DHX58: variants seen among roughly 807,000 people sequenced by gnomAD.
DHX58 encodes the protein ATP-dependent RNA helicase DHX58.
A neutral mutation model predicts 65.0 loss-of-function variants in DHX58; 51 were observed. The ratio of observed to expected loss-of-function variants is 0.78; its 90% CI spans 0.63 to 0.99. DHX58 has a LOEUF of 0.99. Among genes scored for constraint, DHX58 ranks in the 50% least tolerant of loss-of-function variants. The pLI is 0.00. For missense variants in DHX58, 773 were observed against 891.8 expected (o/e 0.87, Z 1.70); for synonymous variants, 350 against 365.0 (o/e 0.96, Z 0.47).
At position 42,103,739 on chromosome 17, in the gene DHX58, C is replaced by T; in HGVS notation, c.1623G>A (p.Glu541=). The T allele has an allele frequency of 6.2e-7, 1 of 1,613,100 alleles. No homozygotes were observed. Among genetic ancestry groups the T allele is most frequent in the Non-Finnish European group, 8.5e-7 (1 of 1,180,022 alleles). Residue 541 remains glutamate, a synonymous_variant, in exon 12 of 14, where the codon GAG becomes GAA. Coordinates refer to ENST00000251642, the MANE Select transcript of DHX58 (RefSeq NM_024119.3). Reference sequence around the variant, plus strand: ...CCACTGGGAACTGCTGCCGCTGGTTCTCCCGCTGGGCTGCCTGGGCCGCCC... The same window carrying T: ...CCACTGGGAACTGCTGCCGCTGGTTTTCCCGCTGGGCTGCCTGGGCCGCCC... The part of the protein sequence containing the change: ...TKRAAQAAQR[E]NQRQQFPVEH...
At chr17:42,105,438 A>G (rs2054041131) in intron 9 of DHX58, among the ~76,000 whole-genome samples, 1 of 151,966 alleles carries the variant, frequency 6.6e-6, no homozygotes, top group Non-Finnish European at 1.5e-5. Context: ...GTCTTCTGCA[A>G]GGGACCCCAG....
At chr17:42,106,879 A>T (rs180880004) in intron 8 of DHX58, among the ~76,000 whole-genome samples, 1 of 152,160 alleles carries the variant, frequency 6.6e-6, no homozygotes, top group African/African-American at 2.4e-5. Flanking sequence ...GGGGTCATAC[A>T]GTACAGAACC....
chr17:42,105,679 G>A (rs576153310), intron 9 of DHX58, 57 bp downstream of exon 9: 46 of 1,507,890 alleles, frequency 3.1e-5, no homozygotes, highest in South Asian at 2.7e-4. Flanking sequence ...CCTGTTCCCC[G>A]CACTTCTCTC....
Position 42,104,790 on chromosome 17 carries a change from CA to C in DHX58, c.1538del (p.Met513ArgfsTer18). The C allele has an allele frequency of 6.2e-7, 1 of 1,614,036 alleles. No homozygotes were observed. The highest frequency in any genetic ancestry group is 1.3e-5 in the African/African-American group (1 of 75,058). Reference protein sequence around the residue: ...MEQAVAAVQKMDQAEYQAKIR... With the variant: ...MEQAVAAVQKXDQAEYQAKIR... Reference sequence around the variant, plus strand: ...CCTTGGCCTGGTACTCGGCCTGGTCCATTTTCTGCACAGCAGCCACTGCCTG... The same window carrying C: ...CCTTGGCCTGGTACTCGGCCTGGTCCTTTTCTGCACAGCAGCCACTGCCTG... On this transcript the variant is annotated frameshift_variant, in exon 11 of 14. Transcript: ENST00000251642. LOFTEE classifies it high-confidence loss of function.
intron 12 of DHX58, chr17:42,103,335 A>G (rs1262707596): frequency 4.1e-6 from 2 of 485,424 alleles, no homozygotes; most frequent in Non-Finnish European, 3.7e-6. Context: ...CCAGAGGGTC[A>G]ATGTGTGGTC....
intron 7 of DHX58, 33 bp from the exon 8 acceptor site, chr17:42,107,828 C>G (rs368292375): frequency 1.9e-5 from 30 of 1,540,816 alleles, no homozygotes; most frequent in Non-Finnish European, 1.9e-5. Context: ...CTGAGCAGCC[C>G]ACAGCCCCGC....
Position 42,112,171 on chromosome 17 carries a change from C to A in DHX58, c.-60G>T. On this transcript the variant is annotated 5_prime_UTR_variant, in exon 2 of 14. Coordinates refer to ENST00000251642, the MANE Select transcript of DHX58 (RefSeq NM_024119.3). The stretch of plus-strand genomic sequence containing the variant: ...CCACTTAACTCAGCCTGGTGCCACT[C>A]TGCTCAGCTCAGAGACCCAAGATGG... The A allele has an allele frequency of 3.1e-6, 1 of 319,044 alleles. No homozygotes were observed. Among genetic ancestry groups the A allele is most frequent in the Non-Finnish European group, 5.7e-6 (1 of 174,592 alleles). 19.8% of individuals were successfully genotyped at this position (319,044 alleles called of 1,614,324 possible).
intron 5 of DHX58, 109 bp downstream of exon 5, chr17:42,110,614 T>G: frequency 6.3e-6 from 8 of 1,275,112 alleles, no homozygotes; most frequent in South Asian, 3.0e-5. Context: ...GACCCTGCCA[T>G]GGAGAGCCTG....
chr17:42,109,588 T>C (rs2054116841), intron 5 of DHX58, among the ~76,000 whole-genome samples: 1 of 152,070 alleles, frequency 6.6e-6, no homozygotes, highest in Admixed American at 6.6e-5. Context: ...AGGCAGATAA[T>C]AAACCAGTAA....
At chr17:42,107,421 C>T (rs2054078554) in intron 8 of DHX58, among the ~76,000 whole-genome samples, 183 bp downstream of exon 8, 1 of 151,168 alleles carries the variant, frequency 6.6e-6, no homozygotes, top group African/African-American at 2.4e-5. Context: ...TAAGCAAAAA[C>T]CTTCACAAAT....
chr17:42,109,731 C>T (rs1665008095), intron 5 of DHX58, among the ~76,000 whole-genome samples: 1 of 151,410 alleles, frequency 6.6e-6, no homozygotes, highest in African/African-American at 2.4e-5. Flanking sequence ...CCCACCTCTA[C>T]TAAAAATACA....
At position 42,107,593 on chromosome 17, in the gene DHX58, C is replaced by CCCCCCCACA; in HGVS notation, c.997+10_997+11insTGTGGGGGG. On this transcript the variant is annotated intron_variant, in intron 8 of 13. Transcript: ENST00000251642. ...TCATCCCCGGCCCCGAAGCCCCCTC[C>CCCCCCCACA]CGCCCCTCACCATCGAACAGGGCCA... 6.4e-7 allele frequency: 1 copy of CCCCCCCACA among 1,571,118 alleles called. No homozygotes were observed. Among genetic ancestry groups the CCCCCCCACA allele is most frequent in the Non-Finnish European group, 8.7e-7 (1 of 1,155,214 alleles).
chr17:42,111,999 T>C, intron 2 of DHX58, 106 bp from the exon 3 acceptor site: 2 of 1,398,730 alleles, frequency 1.4e-6, no homozygotes, highest in South Asian at 2.9e-5. Context: ...TCCACCCCAC[T>C]TGAGGGAGGT....
intron 11 of DHX58, among the ~76,000 whole-genome samples, chr17:42,104,425 A>G (rs1353158188): frequency 3.9e-5 from 6 of 152,164 alleles, no homozygotes; most frequent in African/African-American, 1.4e-4. Context: ...TGATGATATA[A>G]GTCCTAGTTC....
At chr17:42,111,203 A>T in intron 4 of DHX58, 93 bp downstream of exon 4, 1 of 1,491,314 alleles carries the variant, frequency 6.7e-7, no homozygotes, top group South Asian at 1.3e-5. Context: ...TCCCACTAAA[A>T]CTCCCAACAC....
At chr17:42,111,997 A>C in intron 2 of DHX58, 104 bp from the exon 3 acceptor site, 2 of 1,397,116 alleles carry the variant, frequency 1.4e-6, no homozygotes, top group Non-Finnish European at 1.9e-6. Context: ...ACTCCACCCC[A>C]CTTGAGGGAG....
At chr17:42,110,163 G>T (rs1485985184) in intron 5 of DHX58, among the ~76,000 whole-genome samples, 1 of 148,680 alleles carries the variant, frequency 6.7e-6, no homozygotes, top group Admixed American at 6.7e-5. Context: ...CTCCAGCCTG[G>T]GCGACAGAGT....
intron 11 of DHX58, 33 bp downstream of exon 11, chr17:42,104,733 C>A (rs2054027744): frequency 6.2e-7 from 1 of 1,608,864 alleles, no homozygotes; most frequent in Non-Finnish European, 8.5e-7. Context: ...TCCTCCCCAT[C>A]CCTCCCACAG....
At chr17:42,108,256 G>T in intron 6 of DHX58, 148 bp from the exon 7 acceptor site, 3 of 1,276,832 alleles carry the variant, frequency 2.3e-6, no homozygotes, top group Non-Finnish European at 3.2e-6. Flanking sequence ...GGCCGGCTAG[G>T]GTGTGGGGGA....
Sources: allele counts gnomAD v4.1 joint callset (sites outside exome capture counted in the v4.1 genomes callset), GRCh38; gene constraint gnomAD v4.1.1; transcripts MANE v1.5; gene names NCBI Gene and HGNC (gene_info 2026-07-23, HGNC 2026-07-21).